The following DLG2 variants were observed in gnomAD, a reference collection of about 807,000 sequenced individuals.
The protein encoded by DLG2 is disks large homolog 2.
DLG2 carries 45 observed loss-of-function variants against 132.5 expected under a neutral mutation model. The observed-to-expected ratio is 0.34, with a 90% CI of 0.27 to 0.44. The LOEUF (loss-of-function observed/expected upper bound fraction) is 0.44. Ranked by LOEUF, DLG2 falls within the 20% of genes least tolerant of loss-of-function variation. The pLI is 1.00. For synonymous variants in DLG2, 424 were observed against 419.6 expected (o/e 1.01, Z -0.13); for missense variants, 1,045 against 1,196.9 (o/e 0.87, Z 1.87).
At chr11:84,496,416 C>G (rs999061015) in intron 7 of DLG2, among the ~76,000 whole-genome samples, 6 of 152,036 alleles carry the variant, frequency 3.9e-5, no homozygotes, top group Non-Finnish European at 8.8e-5. Flanking sequence ...ATATTTTGTG[C>G]CTGCTACATG....
intron 19 of DLG2, among the ~76,000 whole-genome samples, chr11:83,593,759 T>C (rs1335315463): frequency 4.0e-5 from 6 of 151,798 alleles, no homozygotes; most frequent in African/African-American, 1.5e-4. Context: ...AAGTTGATAT[T>C]TGTAAAAACA....
intron 4 of DLG2, among the ~76,000 whole-genome samples, chr11:85,237,140 A>C (rs1467292151): frequency 1.3e-5 from 2 of 152,084 alleles, no homozygotes; most frequent in Non-Finnish European, 2.9e-5. Flanking sequence ...TCACCTAATG[A>C]GTGCCAGAGT....
chr11:84,097,079 A>T (rs1002764128), intron 10 of DLG2, among the ~76,000 whole-genome samples: 6 of 152,182 alleles, frequency 3.9e-5, no homozygotes, highest in African/African-American at 1.4e-4. Context: ...TATGAAGCTT[A>T]CATTTCGCTC....
intron 8 of DLG2, among the ~76,000 whole-genome samples, chr11:84,214,739 T>A (rs1478242257): frequency 6.6e-6 from 1 of 152,176 alleles, no homozygotes; most frequent in Non-Finnish European, 1.5e-5. Flanking sequence ...CACCCTCTTG[T>A]TAAGCAGATT....
At chr11:85,194,020 G>A (rs2080841396) in intron 4 of DLG2, among the ~76,000 whole-genome samples, 1 of 152,226 alleles carries the variant, frequency 6.6e-6, no homozygotes, top group Non-Finnish European at 1.5e-5. Context: ...CTGGCCCCCA[G>A]GGCAGAATGC....
intron 4 of DLG2, among the ~76,000 whole-genome samples, chr11:85,212,513 C>G (rs2082318632): frequency 6.6e-6 from 1 of 152,036 alleles, no homozygotes; most frequent in African/African-American, 2.4e-5. Context: ...AGGAAAACAA[C>G]CATTAATATT....
intron 20 of DLG2, among the ~76,000 whole-genome samples, chr11:83,535,574 G>C (rs548958799): frequency 6.6e-6 from 1 of 151,606 alleles, no homozygotes; most frequent in African/African-American, 2.4e-5. Flanking sequence ...AAGTCAGCCA[G>C]ACACACACAC....
rs149344279 is a variant in DLG2, at chr11:84,272,198, G to A, written c.520-20907C>T. ...AGAAGAGCTTCAAATATAGCCCAGA[G>A]TTTGTGACATTTAAGTGATTTCGAA... On this transcript the variant is annotated intron_variant, in intron 7 of 27. Coordinates refer to ENST00000376104, the MANE Select transcript of DLG2 (RefSeq NM_001142699.3). The A allele has an allele frequency of 1.7e-3, 638 of 368,582 alleles. 1 individual carries two copies. The highest frequency in any genetic ancestry group is 0.011 in the African/African-American group (501 of 47,146). 22.8% of individuals were successfully genotyped at this position (368,582 alleles called of 1,614,324 possible).
At chr11:83,463,172 C>T (rs2090358183) in intron 26 of DLG2, among the ~76,000 whole-genome samples, 1 of 151,806 alleles carries the variant, frequency 6.6e-6, no homozygotes, top group Non-Finnish European at 1.5e-5. Flanking sequence ...GGGGTAAGAA[C>T]TCAAGGTTTT....
chr11:83,818,885 C>G (rs1017276355), intron 17 of DLG2, among the ~76,000 whole-genome samples: 1 of 152,124 alleles, frequency 6.6e-6, no homozygotes, highest in African/African-American at 2.4e-5. Context: ...TAAGAGACTG[C>G]CCAAAGGACT....
intron 7 of DLG2, among the ~76,000 whole-genome samples, chr11:84,371,714 T>G (rs984046540): frequency 1.3e-5 from 2 of 152,332 alleles, no homozygotes; most frequent in Admixed American, 1.3e-4. Context: ...CATGGTGAGC[T>G]CAACTGGTTA....
At chr11:85,561,846 T>C (rs1012193350) in intron 3 of DLG2, among the ~76,000 whole-genome samples, 4 of 151,922 alleles carry the variant, frequency 2.6e-5, no homozygotes, top group African/African-American at 7.2e-5. Context: ...ACTTATAATA[T>C]GCCAGTTACT....
chr11:84,151,748 T>C (rs2095299779), intron 9 of DLG2, among the ~76,000 whole-genome samples: 1 of 152,354 alleles, frequency 6.6e-6, no homozygotes, highest in South Asian at 2.1e-4. Flanking sequence ...GTCACAGCTC[T>C]GTTTTCATTA....
At chr11:84,953,075 A>C (rs1357449442) in intron 6 of DLG2, among the ~76,000 whole-genome samples, 8 of 152,184 alleles carry the variant, frequency 5.3e-5, no homozygotes. Flanking sequence ...AACCTGGTCC[A>C]TTATAATAAT....
chr11:83,642,814 G>A (rs1176865558), intron 18 of DLG2, among the ~76,000 whole-genome samples: 5 of 152,064 alleles, frequency 3.3e-5, no homozygotes, highest in Admixed American at 3.3e-4. Context: ...TTTTAGTGTG[G>A]ATTTTGCATA....
chr11:84,821,549 C>T (rs1294908349), intron 6 of DLG2, among the ~76,000 whole-genome samples: 5 of 150,018 alleles, frequency 3.3e-5, no homozygotes, highest in Admixed American at 1.3e-4. Context: ...CATGTCTAGC[C>T]TACAGAGTGT....
At chr11:83,505,685 A>C (rs186640875) in intron 21 of DLG2, among the ~76,000 whole-genome samples, 1 of 152,322 alleles carries the variant, frequency 6.6e-6, no homozygotes, top group East Asian at 1.9e-4. Flanking sequence ...TCAGTATATA[A>C]TTGCACATCT....
chr11:84,289,074 A>C (rs1186942796), intron 7 of DLG2, among the ~76,000 whole-genome samples: 1 of 152,158 alleles, frequency 6.6e-6, no homozygotes, highest in Non-Finnish European at 1.5e-5. Flanking sequence ...AAAACATTTC[A>C]GTGAACACTA....
At chr11:84,409,585 T>C (rs2098887448) in intron 7 of DLG2, among the ~76,000 whole-genome samples, 1 of 152,254 alleles carries the variant, frequency 6.6e-6, no homozygotes, top group Admixed American at 6.5e-5. Flanking sequence ...CTTTGTTCCA[T>C]TTTAAAGATA....
Sources: gnomAD v4.1 joint callset for allele counts (sites outside exome capture counted in the v4.1 genomes callset) on GRCh38, gnomAD v4.1.1 for gene constraint, MANE v1.5 for transcripts, NCBI Gene and HGNC (gene_info 2026-07-23, HGNC 2026-07-21) for gene names.